The following LRRC2 variants were observed in gnomAD, a reference collection of about 807,000 sequenced individuals.
LRRC2 encodes leucine-rich repeat-containing protein 2.
LRRC2 carries 27 observed loss-of-function variants against 40.2 expected under a neutral mutation model. The observed-to-expected ratio is 0.67, with a 90% CI of 0.49 to 0.93. The LOEUF (loss-of-function observed/expected upper bound fraction) is 0.93, where lower values mean the gene tolerates loss of function less well. Ranked by LOEUF, LRRC2 falls within the 40% of genes least tolerant of loss-of-function variation. The pLI is 0.00. For missense variants in LRRC2, 402 were observed against 439.6 expected, an observed-to-expected ratio of 0.91 and a Z score of 0.76; for synonymous variants, 147 against 158.9, an observed-to-expected ratio of 0.92 and a Z score of 0.56.
At chr3:46,534,038 C>T (rs1275606412) in intron 4 of LRRC2, among the ~76,000 whole-genome samples, 1 of 151,810 alleles carries the variant, frequency 6.6e-6, no homozygotes, top group Non-Finnish European at 1.5e-5. Context: ...TTTTAAGCCC[C>T]ACATGCATTA....
At chr3:46,563,503 C>G (rs1426822951) in intron 1 of LRRC2, among the ~76,000 whole-genome samples, 1 of 152,086 alleles carries the variant, frequency 6.6e-6, no homozygotes, top group Non-Finnish European at 1.5e-5. Flanking sequence ...CTAGAGCATT[C>G]CTCCCCAAGT....
intron 1 of LRRC2, among the ~76,000 whole-genome samples, chr3:46,554,527 C>G (rs7428143): frequency 0.38 from 57,062 of 151,438 alleles, 11,042 homozygotes; most frequent in East Asian, 0.64. Context: ...CACCTGTAGT[C>G]CCAGCTACTC....
rs150109562 is a variant in LRRC2 at position 46,539,073 on chromosome 3, G to C, written c.462C>G (p.Asn154Lys). The change falls in exon 4 of 9, where the codon AAC (asparagine) becomes AAG (lysine). Residue 154 changes from asparagine (N) to lysine (K), a missense_variant. Physicochemically the swap from Asn to Lys is moderately conservative, Grantham distance 94. Coordinates refer to ENST00000395905, the MANE Select transcript of LRRC2 (RefSeq NM_024512.5). ...QAMRILDLPK[N>K]QISHLPAEIG... ...TTTCTGCTGGAAGATGTGAGATTTG[G>C]TTTTTTGGCAGATCCAGAATTCTCA... 164 of 1,613,686 alleles carry C rather than the reference G, an allele frequency of 1.0e-4. No individual in the cohort carries two copies. Among genetic ancestry groups the C allele is most frequent in the Non-Finnish European group, 1.4e-4 (160 of 1,179,916 alleles).
intron 3 of LRRC2, among the ~76,000 whole-genome samples, chr3:46,542,163 T>C (rs1425412049): frequency 5.3e-5 from 8 of 151,148 alleles, no homozygotes; most frequent in African/African-American, 1.9e-4. Context: ...CCAAGAAATG[T>C]CCCAACATGC....
At chr3:46,531,832 G>T (rs1200970085) in intron 5 of LRRC2, among the ~76,000 whole-genome samples, 2 of 152,150 alleles carry the variant, frequency 1.3e-5, no homozygotes, top group Non-Finnish European at 2.9e-5. Context: ...GGCAATCGGT[G>T]TCCAGTGCCT....
intron 2 of LRRC2, among the ~76,000 whole-genome samples, chr3:46,549,753 C>T (rs1704602517): frequency 6.6e-6 from 1 of 152,222 alleles, no homozygotes; most frequent in African/African-American, 2.4e-5. Context: ...CTTCCAAGAA[C>T]CTCAGGAAGT....
intron 1 of LRRC2, among the ~76,000 whole-genome samples, chr3:46,561,212 C>T (rs1052347477): frequency 6.6e-6 from 1 of 151,800 alleles, no homozygotes; most frequent in Admixed American, 6.6e-5. Flanking sequence ...AGGGACTAGC[C>T]CAAGAGGGAA....
At position 46,539,162 on chromosome 3, in the gene LRRC2, C is replaced by G. The variant is rs144512849; in HGVS notation, c.373G>C (p.Glu125Gln). 6.2e-7 allele frequency: 1 copy of G among 1,613,968 alleles called. No individual in the cohort carries two copies. The highest frequency in any genetic ancestry group is 1.3e-5 in the African/African-American group (1 of 75,030). ...ATCAAGGTATTGCTTATGTACCATT[C>G]TCTCAGGTGTGTCTGCTCCTTCAAT... ...DSLKEQTHLR[E>Q]WYISNTLIQI... Residue 125 changes from glutamate (E) to glutamine (Q), a missense_variant, in exon 4 of 9, where the codon GAA becomes CAA. Coordinates refer to ENST00000395905, the MANE Select transcript of LRRC2 (RefSeq NM_024512.5).
At chr3:46,553,182 CAAAA>C (rs10676856) in intron 1 of LRRC2, among the ~76,000 whole-genome samples, 1 of 149,440 alleles carries the variant, frequency 6.7e-6, no homozygotes. Flanking sequence ...TTGATCATTG[CAAAA>C]AAAAAAAATT....
At chr3:46,562,934 C>T (rs912265023) in intron 1 of LRRC2, among the ~76,000 whole-genome samples, 1 of 152,010 alleles carries the variant, frequency 6.6e-6, no homozygotes, top group African/African-American at 2.4e-5. Context: ...CCATGTTGAC[C>T]AGGCTAGTCT....
chr3:46,539,143 G>A lies in LRRC2; in HGVS notation c.392C>T (p.Thr131Ile). 6.2e-7 allele frequency: 1 copy of A among 1,613,848 alleles called. No individual in the cohort carries two copies. Among genetic ancestry groups the A allele is most frequent in the South Asian group, 1.1e-5 (1 of 91,070 alleles). Residue 131 changes from threonine to isoleucine, a missense_variant, in exon 4 of 9, where the codon ACC (threonine) becomes ATC (isoleucine). Transcript: ENST00000395905. ...ATATGTAGGAATGATTTGAATCAAG[G>A]TATTGCTTATGTACCATTCTCTCAG... ...THLREWYISN[T>I]LIQIIPTYIQ...
intron 1 of LRRC2, among the ~76,000 whole-genome samples, chr3:46,565,725 G>C (rs1421553920): frequency 6.6e-6 from 1 of 152,200 alleles, no homozygotes; most frequent in Non-Finnish European, 1.5e-5. Flanking sequence ...AAGCCAGGGG[G>C]CGTGAGACGC....
chr3:46,544,909 C>T, intron 3 of LRRC2, 137 bp downstream of exon 3: 1 of 845,524 alleles, frequency 1.2e-6, no homozygotes, highest in Non-Finnish European at 1.9e-6. Context: ...GCTTCCAGGA[C>T]TGCGCTGCGT....
intron 5 of LRRC2, 47 bp from the exon 6 acceptor site, chr3:46,530,097 A>C (rs1704132816): frequency 4.8e-6 from 7 of 1,465,428 alleles, no homozygotes; most frequent in African/African-American, 1.4e-5. Context: ...TAAGAGTGGG[A>C]ATTAAGTTCA....
At chr3:46,561,144 G>C (rs1289189748) in intron 1 of LRRC2, among the ~76,000 whole-genome samples, 2 of 152,080 alleles carry the variant, frequency 1.3e-5, no homozygotes, top group African/African-American at 4.8e-5. Context: ...GAACCATCCG[G>C]AGTAGTTAGC....
intron 2 of LRRC2, among the ~76,000 whole-genome samples, chr3:46,547,730 G>A (rs1046800181): frequency 7.0e-6 from 1 of 142,018 alleles, no homozygotes; most frequent in African/African-American, 2.6e-5. Flanking sequence ...GTGTGTGTGT[G>A]TGTCAGCACA....
chr3:46,539,245 G>A (rs1575352109), intron 3 of LRRC2, 44 bp from the exon 4 acceptor site: 1 of 1,582,000 alleles, frequency 6.3e-7, no homozygotes, highest in Non-Finnish European at 8.6e-7. Flanking sequence ...GCTCCTCCGT[G>A]TGCACAAAGC....
chr3:46,551,753 T>TTC (rs1704660143), intron 1 of LRRC2, 143 bp from the exon 2 acceptor site: 1 of 140,970 alleles, frequency 7.1e-6, no homozygotes, highest in Non-Finnish European at 1.4e-5. Context: ...ACAGTTTGCT[T>TTC]TTTTTTTTTT....
At chr3:46,558,607 A>T (rs922945301) in intron 1 of LRRC2, 2 of 152,110 alleles carry the variant, frequency 1.3e-5, no homozygotes, top group African/African-American at 4.8e-5. Context: ...AAACTTACGG[A>T]GCTGTTTCCT....
Sources: allele counts gnomAD v4.1 joint callset (sites outside exome capture counted in the v4.1 genomes callset), GRCh38; gene constraint gnomAD v4.1.1; transcripts MANE v1.5; gene names NCBI Gene and HGNC (gene_info 2026-07-23, HGNC 2026-07-21).